CDH4: variants seen among roughly 807,000 people sequenced by gnomAD.
The protein encoded by CDH4 is cadherin-4.
In CDH4, 33 loss-of-function variants were observed where a neutral mutation model predicts 86.0. The ratio of observed to expected loss-of-function variants is 0.38; its 90% CI spans 0.29 to 0.51. The LOEUF (loss-of-function observed/expected upper bound fraction) is 0.51, where lower values mean the gene tolerates loss of function less well. Ranked by LOEUF, CDH4 falls within the 20% of genes least tolerant of loss-of-function variation. The probability of loss-of-function intolerance (pLI) is 0.86; values close to 1 mark genes in which losing one functional copy is unlikely to be tolerated. For synonymous variants in CDH4, 555 were observed against 549.4 expected, an observed-to-expected ratio of 1.01 and a Z score of -0.14; for missense variants, 1,114 against 1,307.4, an observed-to-expected ratio of 0.85 and a Z score of 2.28.
rs1401965914 is a variant in CDH4 at position 61,676,456 on chromosome 20, G to A, written c.170-67107G>A. Among the ~76,000 whole-genome samples, 1 of 152,090 alleles carries A rather than the reference G, an allele frequency of 6.6e-6. No individual in the cohort carries two copies. Among genetic ancestry groups the A allele is most frequent in the Non-Finnish European group, 1.5e-5 (1 of 68,010 alleles). ...GGATGGTGTGAACAATGGAGGCCCG[G>A]GGCTCCCTCCTCCTGGGTCTACCCC... On this transcript the variant is annotated intron_variant, in intron 2 of 15. Transcript: ENST00000614565. The surrounding 1 kb of genome is among the most constrained non-coding windows in gnomAD (Gnocchi z 4.5).
At chr20:61,869,893 G>A (rs1983722603) in intron 6 of CDH4, among the ~76,000 whole-genome samples, 1 of 152,246 alleles carries the variant, frequency 6.6e-6, no homozygotes, top group African/African-American at 2.4e-5. Context: ...TCAGTGGGGA[G>A]AGCTGGGCCC....
At chr20:61,520,840 C>T (rs1402769085) in intron 2 of CDH4, among the ~76,000 whole-genome samples, 1 of 152,184 alleles carries the variant, frequency 6.6e-6, no homozygotes, top group Non-Finnish European at 1.5e-5. Flanking sequence ...TTATAATCAT[C>T]CCACTCTGGC....
intron 2 of CDH4, among the ~76,000 whole-genome samples, chr20:61,574,784 C>G (rs1408210373): frequency 6.6e-6 from 1 of 152,062 alleles, no homozygotes; most frequent in African/African-American, 2.4e-5. Flanking sequence ...GCTCTGGACC[C>G]CTTATAAAGC....
rs1233080006 is a variant in CDH4 at position 61,879,026 on chromosome 20, T to A, written c.1050+5126T>A. On this transcript the variant is annotated intron_variant, in intron 7 of 15. Coordinates refer to ENST00000614565, the MANE Select transcript of CDH4 (RefSeq NM_001794.5). The surrounding 1 kb of genome is among the most constrained non-coding windows in gnomAD (Gnocchi z 4.1). Reference sequence around the variant, plus strand: ...CTTCTGCAGCAGAGGATGCACGTTGTCGGATTTTCAGCAGCAAACAATAAA... The same window carrying A: ...CTTCTGCAGCAGAGGATGCACGTTGACGGATTTTCAGCAGCAAACAATAAA... Among the ~76,000 whole-genome samples, 1 of 152,250 alleles carries A rather than the reference T, an allele frequency of 6.6e-6. No individual in the cohort carries two copies. Among genetic ancestry groups the A allele is most frequent in the South Asian group, 2.1e-4 (1 of 4,834 alleles).
chr20:61,706,486 G>A lies in CDH4; in HGVS notation c.170-37077G>A, dbSNP rs527370700. Among the ~76,000 whole-genome samples the A allele has an allele frequency of 9.8e-4, 150 of 152,310 alleles. 2 individuals carry two copies. The highest frequency in any genetic ancestry group is 3.5e-3 in the African/African-American group (144 of 41,572). ...GATGAGAGAAAAGGCTGTAGCCAAA[G>A]GCAGCTGTTCAGGAACGGAGAAAGT... On this transcript the variant is annotated intron_variant, in intron 2 of 15. Coordinates refer to ENST00000614565, the MANE Select transcript of CDH4 (RefSeq NM_001794.5).
intron 2 of CDH4, among the ~76,000 whole-genome samples, chr20:61,602,304 CCCAG>C (rs1356508460): frequency 7.9e-5 from 12 of 152,230 alleles, no homozygotes; most frequent in African/African-American, 2.9e-4. Flanking sequence ...ACACCCGGTC[CCCAG>C]TAGGGTGGAA....
chr20:61,477,227 G>T (rs957852603), intron 2 of CDH4, among the ~76,000 whole-genome samples: 1 of 152,228 alleles, frequency 6.6e-6, no homozygotes, highest in African/African-American at 2.4e-5. Context: ...ACCATGGTCC[G>T]GGGCAGGAGG....
intron 2 of CDH4, chr20:61,599,821 T>G (rs2086584229): frequency 1.0e-6 from 1 of 985,548 alleles, no homozygotes; most frequent in South Asian, 4.7e-5. Context: ...CCCTTTCCTG[T>G]TCCTGGTTGA....
intron 2 of CDH4, among the ~76,000 whole-genome samples, chr20:61,696,061 C>T (rs2087711937): frequency 6.6e-6 from 1 of 152,194 alleles, no homozygotes; most frequent in Non-Finnish European, 1.5e-5. Context: ...GTCCCACCTG[C>T]GTTTCCTGAG....
At chr20:61,636,216 C>T (rs2086945098) in intron 2 of CDH4, among the ~76,000 whole-genome samples, 1 of 152,214 alleles carries the variant, frequency 6.6e-6, no homozygotes, top group Non-Finnish European at 1.5e-5. Flanking sequence ...TCTGCGGATT[C>T]ACTTCTCTTT....
intron 4 of CDH4, among the ~76,000 whole-genome samples, chr20:61,820,563 C>T (rs1313022853): frequency 6.6e-6 from 1 of 152,234 alleles, no homozygotes; most frequent in Non-Finnish European, 1.5e-5. Flanking sequence ...CCACTGCACC[C>T]GCTGAGCAGA....
chr20:61,743,903 C>T (rs547488002), intron 3 of CDH4, 114 bp downstream of exon 3: 78 of 794,436 alleles, frequency 9.8e-5, no homozygotes, highest in South Asian at 9.6e-4. Flanking sequence ...ACCTCCTCCT[C>T]GGGCTGTGCC....
intron 2 of CDH4, among the ~76,000 whole-genome samples, chr20:61,696,030 C>T (rs1313414432): frequency 6.6e-6 from 1 of 152,222 alleles, no homozygotes; most frequent in Non-Finnish European, 1.5e-5. Context: ...AGCTGGGCTG[C>T]ACCTCCTAGC....
At position 61,621,582 on chromosome 20, in the gene CDH4, C is replaced by T. The variant is rs955022214; in HGVS notation, c.170-121981C>T. 3.3e-5 allele frequency among the ~76,000 whole-genome samples: 5 copies of T among 152,146 alleles called. No homozygotes were observed. In the East Asian group the frequency reaches 5.8e-4, roughly 18 times the overall value. Reference sequence around the variant, plus strand: ...TCACCGTCCTTCTCCGGGAGAACATCGCTGGCTCGTACGAATTGGCAGAAA... The same window carrying T: ...TCACCGTCCTTCTCCGGGAGAACATTGCTGGCTCGTACGAATTGGCAGAAA... On this transcript the variant is annotated intron_variant, in intron 2 of 15. Coordinates refer to ENST00000614565, the MANE Select transcript of CDH4 (RefSeq NM_001794.5).
At chr20:61,319,380 G>A (rs1387112796) in intron 2 of CDH4, among the ~76,000 whole-genome samples, 2 of 152,074 alleles carry the variant, frequency 1.3e-5, no homozygotes, top group South Asian at 2.1e-4. Context: ...GGGAAGCAGG[G>A]CTAGATCGCA....
At chr20:61,845,421 G>A (rs1281291134) in intron 5 of CDH4, among the ~76,000 whole-genome samples, 2 of 152,210 alleles carry the variant, frequency 1.3e-5, no homozygotes, top group African/African-American at 4.8e-5. Flanking sequence ...TCCAGGGGGC[G>A]GGCCTTCTCC....
intron 2 of CDH4, among the ~76,000 whole-genome samples, chr20:61,383,348 AAT>A (rs1170512399): frequency 1.0e-4 from 5 of 48,642 alleles, no homozygotes; most frequent in Non-Finnish European, 1.8e-4. Context: ...GATATATATG[AAT>A]ATATATGGAT....
chr20:61,648,498 G>A (rs1047989477), intron 2 of CDH4, among the ~76,000 whole-genome samples: 4 of 152,332 alleles, frequency 2.6e-5, no homozygotes, highest in Admixed American at 2.6e-4. Flanking sequence ...GGCCAGCTCT[G>A]CCGAGCCCCA....
intron 15 of CDH4, 32 bp downstream of exon 15, chr20:61,934,252 C>A (rs751618351): frequency 2.7e-6 from 4 of 1,505,706 alleles, no homozygotes; most frequent in Non-Finnish European, 3.6e-6. Flanking sequence ...GGGGCCCGGG[C>A]AAGGTGTCTC....
Sources: allele counts gnomAD v4.1 joint callset (sites outside exome capture counted in the v4.1 genomes callset), GRCh38; gene constraint gnomAD v4.1.1; non-coding constraint Gnocchi (gnomAD v3.1); transcripts MANE v1.5; gene names NCBI Gene and HGNC (gene_info 2026-07-23, HGNC 2026-07-21).